DBN1: variants seen among roughly 807,000 people sequenced by gnomAD.
DBN1 encodes drebrin 1.
DBN1 carries 21 observed loss-of-function variants against 83.5 expected under a neutral mutation model. That is an observed-to-expected ratio of 0.25 (90% confidence interval 0.18 to 0.36). The LOEUF (loss-of-function observed/expected upper bound fraction) is 0.36, where lower values mean the gene tolerates loss of function less well. Ranked by LOEUF, DBN1 falls within the 10% of genes least tolerant of loss-of-function variation. The pLI is 1.00. For synonymous variants in DBN1, 381 were observed against 384.9 expected (o/e 0.99, Z 0.12); for missense variants, 874 against 935.7 (o/e 0.93, Z 0.86).
At chr5:177,470,777 T>G (rs1186718377) in intron 1 of DBN1, among the ~76,000 whole-genome samples, 1 of 152,000 alleles carries the variant, frequency 6.6e-6, no homozygotes, top group Non-Finnish European at 1.5e-5. Flanking sequence ...ACCCACCATA[T>G]CCCAGCAGGA....
Position 177,456,734 on chromosome 5 carries a change from A to AAG in DBN1, c.*697_*698dup, listed in dbSNP as rs1387592541. 1 of 151,918 alleles carries AAG rather than the reference A, an allele frequency of 6.6e-6. No individual in the cohort carries two copies. The highest frequency in any genetic ancestry group is 1.5e-5 in the Non-Finnish European group (1 of 68,036). The allele number at this position is 151,918 out of a possible 1,614,324, so 9.4% of individuals were successfully genotyped here. A position where few individuals can be genotyped will look rare whatever the true frequency, so the allele number is the denominator to read the frequency against. On this transcript the variant is annotated 3_prime_UTR_variant, in exon 15 of 15. Coordinates refer to ENST00000393565, the MANE Select transcript of DBN1 (RefSeq NM_001363541.2). ...TAAACGTGAAAAAGGAACCCAAGCA[A>AAG]AGAGGAAGGAGTTGGGGAGGGGCCA... is the stretch of plus-strand genomic sequence containing the variant.
rs1756522130 is a variant in DBN1 at position 177,456,758 on chromosome 5, C to CA, written c.*674dup. 1 of 150,848 alleles carries CA rather than the reference C, an allele frequency of 6.6e-6. No individual in the cohort carries two copies. Among genetic ancestry groups the CA allele is most frequent in the African/African-American group, 2.5e-5 (1 of 40,774 alleles). The allele number at this position is 150,848 out of a possible 1,614,324, so 9.3% of individuals were successfully genotyped here. A position where few individuals can be genotyped will look rare whatever the true frequency, so the allele number is the denominator to read the frequency against. ...AAAGAGGAAGGAGTTGGGGAGGGGC[C>CA]ACCAAAGCCCCTGGGCCCCATCCAT... is the stretch of plus-strand genomic sequence containing the variant. On this transcript the variant is annotated 3_prime_UTR_variant, in exon 15 of 15. Transcript: ENST00000393565.
intron 1 of DBN1, chr5:177,472,155 C>G (rs1419108772): frequency 6.2e-7 from 1 of 1,613,402 alleles, no homozygotes; most frequent in Admixed American, 1.7e-5. Flanking sequence ...GCGTCCATCC[C>G]TCCAGGCCTG....
chr5:177,463,338 T>G (rs767659304), intron 8 of DBN1, among the ~76,000 whole-genome samples: 12 of 152,050 alleles, frequency 7.9e-5, no homozygotes, highest in Admixed American at 3.9e-4. Flanking sequence ...AGCCCAGCCC[T>G]CCACAAAGGC....
At chr5:177,464,280 T>A in intron 8 of DBN1, among the ~76,000 whole-genome samples, 1 of 150,488 alleles carries the variant, frequency 6.6e-6, no homozygotes, top group East Asian at 2.0e-4. Flanking sequence ...ACCCTGTCTC[T>A]ACTAAAAATA....
intron 8 of DBN1, among the ~76,000 whole-genome samples, chr5:177,464,850 A>G (rs925771043): frequency 2.7e-5 from 4 of 150,516 alleles, no homozygotes; most frequent in African/African-American, 7.4e-5. Flanking sequence ...TGAGGCAGGA[A>G]AATCACTTAA....
chr5:177,471,258 C>G (rs559691861), intron 1 of DBN1, among the ~76,000 whole-genome samples: 2 of 152,028 alleles, frequency 1.3e-5, no homozygotes, highest in Non-Finnish European at 2.9e-5. Flanking sequence ...CTTCAGTATC[C>G]GAGGTAGTGC....
chr5:177,460,621 T>C, intron 9 of DBN1, 23 bp downstream of exon 9: 2 of 1,614,176 alleles, frequency 1.2e-6, no homozygotes, highest in South Asian at 2.2e-5. Flanking sequence ...CTGCCTCACC[T>C]GGCTGGTGCC....
Position 177,472,172 on chromosome 5 carries a change from G to A in DBN1, c.86+1264C>T, listed in dbSNP as rs528725225. ...GTCCATCCCTCCAGGCCTGGCTGCT[G>A]GCCAGTGCTGCAGTACCATGCCATG... On this transcript the variant is annotated intron_variant, in intron 1 of 14. Transcript: ENST00000393565. 1.8e-5 allele frequency: 29 copies of A among 1,613,580 alleles called. No individual in the cohort carries two copies. The East Asian group carries it at 6.2e-4, about 35-fold the overall frequency.
At chr5:177,469,008 G>T (rs369437441) in intron 1 of DBN1, 109 bp from the exon 2 acceptor site, 7 of 581,478 alleles carry the variant, frequency 1.2e-5, no homozygotes, top group African/African-American at 1.9e-5. Context: ...GGACAGGAAC[G>T]GGGAGGGCTC....
In DBN1 at chr5:177,460,571, A is replaced by T; in HGVS notation, c.832-16T>A. ...CTGCTGCCTCCTGAGGGCACGAGGA[A>T]AAGGTTGGGGCTGGGCCAGGCAAGC... On this transcript the variant is annotated splice_polypyrimidine_tract_variant and intron_variant, in intron 9 of 14. Transcript: ENST00000393565. The T allele has an allele frequency of 6.2e-6, 10 of 1,614,120 alleles. No homozygotes were observed. Among genetic ancestry groups the T allele is most frequent in the Non-Finnish European group, 8.5e-6 (10 of 1,180,012 alleles).
At chr5:177,457,806 G>T in intron 13 of DBN1, 49 bp from the exon 14 acceptor site, 1 of 1,302,982 alleles carries the variant, frequency 7.7e-7, no homozygotes, top group Non-Finnish European at 1.1e-6. Context: ...CAGGACTGGG[G>T]CTGACCTATC....
rs756774459 is a variant in DBN1 at position 177,458,111 on chromosome 5, G to C, written c.1861C>G (p.Pro621Ala). 2 of 1,613,728 alleles carry C rather than the reference G, an allele frequency of 1.2e-6. No individual in the cohort carries two copies. The highest frequency in any genetic ancestry group is 2.2e-5 in the South Asian group (2 of 91,070). The change falls in exon 13 of 15, where the codon CCG (proline) becomes GCG (alanine). Residue 621 changes from proline (P) to alanine (A), a missense_variant. By Grantham distance (27) the Pro-to-Ala change is conservative. This residue lies in a region of DBN1 where 725 missense variants were observed against 719.7 expected (regional missense o/e 1.01). Coordinates refer to ENST00000393565, the MANE Select transcript of DBN1 (RefSeq NM_001363541.2). ...ALEELEQEQE[P>A]EPHLLTNGET... ...CCATTGGTTAGCAGGTGGGGCTCCGGCTCCTGCTCTTGCTCCAGCTCCTCA... is the reference window on the plus strand; with the variant it reads ...CCATTGGTTAGCAGGTGGGGCTCCGCCTCCTGCTCTTGCTCCAGCTCCTCA...
chr5:177,466,096 C>T lies in DBN1; in HGVS notation c.771+676G>A, dbSNP rs28750278. ...TCTCTCAGCCTCCTGTGGGTGACTCCGGAGCCCGTTTGAGTCCCCACAGCC... is the reference window on the plus strand; with the variant it reads ...TCTCTCAGCCTCCTGTGGGTGACTCTGGAGCCCGTTTGAGTCCCCACAGCC... On this transcript the variant is annotated intron_variant, in intron 8 of 14. Coordinates refer to ENST00000393565, the MANE Select transcript of DBN1 (RefSeq NM_001363541.2). This position sits in a 1 kb window ranked among gnomAD's most constrained non-coding sequence, Gnocchi z 4.8. 8.2e-3 allele frequency among the ~76,000 whole-genome samples: 1,243 copies of T among 152,186 alleles called. 16 individuals carry two copies. Among genetic ancestry groups the T allele is most frequent in the African/African-American group, 0.028 (1,182 of 41,504 alleles).
intron 2 of DBN1, 123 bp from the exon 3 acceptor site, chr5:177,468,343 TG>T (rs1348861874): frequency 4.0e-6 from 3 of 754,204 alleles, no homozygotes; most frequent in African/African-American, 3.5e-5. Flanking sequence ...TTCTGGCCTC[TG>T]GGGTCTGTGG....
rs1757545786 is a variant in DBN1 at position 177,467,667 on chromosome 5, TC to T, written c.331-41del. On this transcript the variant is annotated intron_variant, in intron 4 of 14. Coordinates refer to ENST00000393565, the MANE Select transcript of DBN1 (RefSeq NM_001363541.2). This position sits in a 1 kb window ranked among gnomAD's most constrained non-coding sequence, Gnocchi z 9.1. ...CGGCAGTGCTCAGGCGGCACCATCC[TC>T]CCGCCATCCCCACCCCAGCACGCAG... 1.3e-6 allele frequency: 2 copies of T among 1,559,846 alleles called. No homozygotes were observed. The highest frequency in any genetic ancestry group is 2.7e-5 in the African/African-American group (2 of 73,526).
intron 11 of DBN1, 107 bp downstream of exon 11, chr5:177,459,496 G>A: frequency 7.3e-7 from 1 of 1,368,686 alleles, no homozygotes; most frequent in East Asian, 2.7e-5. Context: ...CTGCCCTGGG[G>A]GCAAACACCA....
intron 13 of DBN1, 82 bp downstream of exon 13, chr5:177,457,976 G>A (rs1756673375): frequency 6.4e-7 from 1 of 1,569,674 alleles, no homozygotes; most frequent in African/African-American, 1.3e-5. Flanking sequence ...GGGTACTGGT[G>A]CAAGCATGAG....
intron 1 of DBN1, among the ~76,000 whole-genome samples, chr5:177,470,061 G>A (rs564953609): frequency 2.0e-5 from 3 of 152,214 alleles, no homozygotes; most frequent in Non-Finnish European, 4.4e-5. Context: ...GGATGGAGGG[G>A]ACGTCTCAGG....
Sources: allele counts gnomAD v4.1 joint callset (sites outside exome capture counted in the v4.1 genomes callset), GRCh38; gene constraint gnomAD v4.1.1; regional missense constraint gnomAD v4.1.1; non-coding constraint Gnocchi (gnomAD v3.1); transcripts MANE v1.5; gene names NCBI Gene and HGNC (gene_info 2026-07-23, HGNC 2026-07-21).